The following CD1C variants were observed in gnomAD, a reference collection of about 807,000 sequenced individuals.
CD1C encodes the protein CD1c molecule.
A neutral mutation model predicts 39.4 loss-of-function variants in CD1C; 47 were observed. The ratio of observed to expected loss-of-function variants is 1.19; its 90% CI spans 0.94 to 1.52. CD1C has a LOEUF of 1.52. CD1C is among the 40% of genes most tolerant of loss of function. The pLI, the probability that CD1C is intolerant of heterozygous loss-of-function variation, is 0.00. For synonymous variants in CD1C, 165 were observed against 150.8 expected, an observed-to-expected ratio of 1.09 and a Z score of -0.69; for missense variants, 417 against 395.2, an observed-to-expected ratio of 1.06 and a Z score of -0.47.
intron 2 of CD1C, 53 bp from the exon 3 acceptor site, chr1:158,292,031 G>A: frequency 1.3e-6 from 2 of 1,549,918 alleles, no homozygotes; most frequent in South Asian, 1.2e-5. Flanking sequence ...TTTTTATACT[G>A]TTGTTTTCAC....
Position 158,292,715 on chromosome 1 carries a change from C to T in CD1C, c.730C>T (p.Gln244Ter). The T allele has an allele frequency of 1.2e-6, 2 of 1,614,190 alleles. No homozygotes were observed. The highest frequency in any genetic ancestry group is 1.7e-6 in the Non-Finnish European group (2 of 1,180,036). Reference sequence around the variant, plus strand: ...TTGGGTGACATGGATGCGGAATGAACAGGAGCAACTGGGCACTAAACATGG... The same window carrying T: ...TTGGGTGACATGGATGCGGAATGAATAGGAGCAACTGGGCACTAAACATGG... ...PVWVTWMRNE[Q>*]EQLGTKHGDI... Residue 244 changes from glutamine (Q) to a stop codon, truncating the protein, a stop_gained, in exon 4 of 6, where the codon CAG (glutamine) becomes TAG (stop). Coordinates refer to ENST00000368170, the MANE Select transcript of CD1C (RefSeq NM_001765.3). LOFTEE classifies it high-confidence loss of function.
At chr1:158,293,143 A>C (rs1651111699) in intron 4 of CD1C, 69 bp from the exon 5 acceptor site, 1 of 1,237,524 alleles carries the variant, frequency 8.1e-7, no homozygotes, top group Admixed American at 1.9e-5. Flanking sequence ...TAAGTAAGGA[A>C]ATCAATAGAT....
Position 158,292,260 on chromosome 1 carries a change from C to T in CD1C, c.505C>T (p.Gln169Ter). 1 of 1,614,218 alleles carries T rather than the reference C, an allele frequency of 6.2e-7. No individual in the cohort carries two copies. The highest frequency in any genetic ancestry group is 1.1e-5 in the South Asian group (1 of 91,090). ...AQSVCHLLNH[Q>*]YEGVTETVYN... The stretch of plus-strand genomic sequence containing the variant: ...AAGTGTCTGTCATCTACTCAATCAT[C>T]AGTATGAAGGCGTCACAGAAACAGT... The change falls in exon 3 of 6, where the codon CAG becomes TAG. Residue 169 changes from glutamine (Q) to a stop codon, truncating the protein, a stop_gained. Transcript: ENST00000368170. LOFTEE classifies it high-confidence loss of function.
Position 158,292,917 on chromosome 1 carries a change from C to T in CD1C, c.889+43C>T, listed in dbSNP as rs374378621. ...AAGTGTAGGTAGGTGGTTCTTGAGC[C>T]TAGAGGTTAGGGGAGAGGAAATTTT... On this transcript the variant is annotated intron_variant, in intron 4 of 5. Transcript: ENST00000368170. The T allele has an allele frequency of 4.4e-5, 71 of 1,599,970 alleles. No individual in the cohort carries two copies. The African/African-American group carries it at 8.2e-4, about 18-fold the overall frequency.
intron 2 of CD1C, among the ~76,000 whole-genome samples, chr1:158,291,732 C>T (rs569070591): frequency 1.3e-4 from 20 of 152,232 alleles, no homozygotes; most frequent in Middle Eastern, 3.4e-3. Context: ...GATCTATGTC[C>T]ACAGTTCAAT....
In CD1C at chr1:158,292,684, G is replaced by A. The variant is rs1372740586; in HGVS notation, c.699G>A (p.Lys233=). 1 of 1,614,064 alleles carries A rather than the reference G, an allele frequency of 6.2e-7. No homozygotes were observed. The highest frequency in any genetic ancestry group is 8.5e-7 in the Non-Finnish European group (1 of 1,180,004). The part of the protein sequence containing the change: ...LVCHASGFYP[K]PVWVTWMRNE... ...GTCATGCCTCCGGCTTCTACCCAAA[G>A]CCTGTTTGGGTGACATGGATGCGGA... The change falls in exon 4 of 6, where the codon AAG becomes AAA. Residue 233 remains lysine, a synonymous_variant. Transcript: ENST00000368170.
Position 158,291,196 on chromosome 1 carries a change from G to A in CD1C, c.124G>A (p.Ala42Thr). The change falls in exon 2 of 6, where the codon GCA becomes ACA. Residue 42 changes from alanine (A) to threonine (T), a missense_variant. Physicochemically the swap from Ala to Thr is moderately conservative, Grantham distance 58. Transcript: ENST00000368170. ...CTTCTCATTTGTCAACCAATCCTGG[G>A]CACGAGGTCAGGGCTCAGGATGGCT... is the stretch of plus-strand genomic sequence containing the variant. ...QIFSFVNQSWARGQGSGWLDE... is the reference protein window; with the variant it reads ...QIFSFVNQSWTRGQGSGWLDE... The A allele has an allele frequency of 1.2e-6, 2 of 1,613,746 alleles. No homozygotes were observed. The highest frequency in any genetic ancestry group is 1.1e-5 in the South Asian group (1 of 91,054).
rs1474698623 is a variant in CD1C, at chr1:158,292,361, G to T, written c.606G>T (p.Arg202Ser). 1.2e-6 allele frequency: 2 copies of T among 1,612,350 alleles called. No homozygotes were observed. The highest frequency in any genetic ancestry group is 1.7e-6 in the Non-Finnish European group (2 of 1,179,266). Residue 202 changes from arginine to serine, a missense_variant, in exon 3 of 6, where the codon AGG becomes AGT. Physicochemically the swap from Arg to Ser is moderately radical, Grantham distance 110. Coordinates refer to ENST00000368170, the MANE Select transcript of CD1C (RefSeq NM_001765.3). ...LLDAGKMYVH[R>S]QVRPEAWLSS... ...ATGCAGGGAAGATGTATGTACACAG[G>T]CAAGGTCAGTAGTTTCAGCCCCTTC...
chr1:158,290,857 G>C (rs1018169882), intron 1 of CD1C, among the ~76,000 whole-genome samples: 2 of 152,152 alleles, frequency 1.3e-5, no homozygotes, highest in Non-Finnish European at 2.9e-5. Flanking sequence ...TCAGCTGCAA[G>C]GTTACATGTA....
Position 158,293,516 on chromosome 1 carries a change from G to A in CD1C, c.*40G>A. 1 of 1,614,002 alleles carries A rather than the reference G, an allele frequency of 6.2e-7. No individual in the cohort carries two copies. Among genetic ancestry groups the A allele is most frequent in the South Asian group, 1.1e-5 (1 of 91,066 alleles). On this transcript the variant is annotated 3_prime_UTR_variant, in exon 6 of 6. Coordinates refer to ENST00000368170, the MANE Select transcript of CD1C (RefSeq NM_001765.3). The stretch of plus-strand genomic sequence containing the variant: ...ACTCCCCCATTGTGTTAAGAACCCA[G>A]CAACCCAGGAGCCTAGTACAATATA...
chr1:158,292,652 C>T lies in CD1C; in HGVS notation c.667C>T (p.Leu223=), dbSNP rs961101351. The T allele has an allele frequency of 6.2e-7, 1 of 1,613,548 alleles. No homozygotes were observed. The highest frequency in any genetic ancestry group is 1.3e-5 in the African/African-American group (1 of 74,934). ...CAGCCTTGGGTCTGGCCAGCTGTTGCTGGTTTGTCATGCCTCCGGCTTCTA... is the reference window on the plus strand; with the variant it reads ...CAGCCTTGGGTCTGGCCAGCTGTTGTTGGTTTGTCATGCCTCCGGCTTCTA... ...RPSLGSGQLL[L]VCHASGFYPK... is the part of the protein sequence containing the mutation. The change falls in exon 4 of 6, where the codon CTG becomes TTG. Residue 223 remains leucine, a synonymous_variant. Transcript: ENST00000368170.
rs1430664389 is a variant in CD1C at position 158,293,580 on chromosome 1, T to A, written c.*104T>A. 1 of 1,613,186 alleles carries A rather than the reference T, an allele frequency of 6.2e-7. No individual in the cohort carries two copies. Among genetic ancestry groups the A allele is most frequent in the Non-Finnish European group, 8.5e-7 (1 of 1,179,590 alleles). Reference sequence around the variant, plus strand: ...GTCGACTCTCCATTTAAATTGTTTCTCTTTCTGCATAATAAACATTTGTTA... The same window carrying A: ...GTCGACTCTCCATTTAAATTGTTTCACTTTCTGCATAATAAACATTTGTTA... On this transcript the variant is annotated 3_prime_UTR_variant, in exon 6 of 6. Transcript: ENST00000368170.
At chr1:158,290,790 C>T (rs538798556) in intron 1 of CD1C, among the ~76,000 whole-genome samples, 11 of 152,148 alleles carry the variant, frequency 7.2e-5, no homozygotes, top group South Asian at 2.1e-4. Flanking sequence ...CTGTAGTTTC[C>T]GCTGCTAGTT....
chr1:158,290,456 C>T (rs1289954384), intron 1 of CD1C, among the ~76,000 whole-genome samples: 1 of 152,140 alleles, frequency 6.6e-6, no homozygotes, highest in Non-Finnish European at 1.5e-5. Flanking sequence ...AGGGATGAAG[C>T]AACCTTTCAA....
In CD1C at chr1:158,293,282, G is replaced by A; in HGVS notation, c.960G>A (p.Val320=). The A allele has an allele frequency of 1.2e-6, 2 of 1,613,944 alleles. No individual in the cohort carries two copies. The highest frequency in any genetic ancestry group is 1.7e-6 in the Non-Finnish European group (2 of 1,179,876). Reference sequence around the variant, plus strand: ...CCTTGGTGATTCTAATAGTCCTTGTGTTATGGTTTAAGAAGCACTGGTGAG... The same window carrying A: ...CCTTGGTGATTCTAATAGTCCTTGTATTATGGTTTAAGAAGCACTGGTGAG... ...IVPLVILIVL[V]LWFKKHCSYQ... is the part of the protein sequence containing the mutation. The change falls in exon 5 of 6, where the codon GTG becomes GTA. Residue 320 remains valine (V), a synonymous_variant. Transcript: ENST00000368170.
rs1476771826 is a variant in CD1C, at chr1:158,294,752, G to A, written c.*1276G>A. Among the ~76,000 whole-genome samples, 3 of 152,126 alleles carry A rather than the reference G, an allele frequency of 2.0e-5. No individual in the cohort carries two copies. Among genetic ancestry groups the A allele is most frequent in the Admixed American group, 1.3e-4 (2 of 15,280 alleles). ...TATTTTCTATGATTTTATTAAGATG[G>A]AAATAAACATATCTACTTGGTATTG... On this transcript the variant is annotated 3_prime_UTR_variant, in exon 6 of 6. Transcript: ENST00000368170.
rs1461714622 is a variant in CD1C at position 158,292,620 on chromosome 1, G to T, written c.635G>T (p.Ser212Ile). The T allele has an allele frequency of 1.2e-6, 2 of 1,612,894 alleles. No individual in the cohort carries two copies. Among genetic ancestry groups the T allele is most frequent in the Non-Finnish European group, 1.7e-6 (2 of 1,180,012 alleles). Residue 212 changes from serine to isoleucine, a missense_variant, in exon 4 of 6, where the codon AGT (serine) becomes ATT (isoleucine). Transcript: ENST00000368170. ...RQVRPEAWLSSRPSLGSGQLL... is the reference protein window; with the variant it reads ...RQVRPEAWLSIRPSLGSGQLL... The stretch of plus-strand genomic sequence containing the variant: ...GTGAGGCCAGAAGCCTGGCTGTCCA[G>T]TCGCCCCAGCCTTGGGTCTGGCCAG...
At chr1:158,290,572 A>C (rs1650997641) in intron 1 of CD1C, among the ~76,000 whole-genome samples, 1 of 152,140 alleles carries the variant, frequency 6.6e-6, no homozygotes, top group African/African-American at 2.4e-5. Context: ...ACTTTAGTTC[A>C]GAGCAGATGG....
Position 158,292,366 on chromosome 1 carries a change from G to T in CD1C, c.610+1G>T, listed in dbSNP as rs1419416870. 1.9e-6 allele frequency: 3 copies of T among 1,611,020 alleles called. No homozygotes were observed. The highest frequency in any genetic ancestry group is 1.7e-5 in the Admixed American group (1 of 59,790). ...GGGAAGATGTATGTACACAGGCAAG[G>T]TCAGTAGTTTCAGCCCCTTCCTCTA... On this transcript the variant is annotated splice_donor_variant, in intron 3 of 5. Transcript: ENST00000368170. LOFTEE classifies it high-confidence loss of function.
Sources: gnomAD v4.1 joint callset for allele counts (sites outside exome capture counted in the v4.1 genomes callset) on GRCh38, gnomAD v4.1.1 for gene constraint, MANE v1.5 for transcripts, NCBI Gene and HGNC (gene_info 2026-07-23, HGNC 2026-07-21) for gene names.